Variants in GSAP observed in about 807,000 individuals in gnomAD.
GSAP encodes gamma-secretase-activating protein.
GSAP carries 118 observed loss-of-function variants against 131.7 expected under a neutral mutation model. That is an observed-to-expected ratio of 0.90 (90% CI 0.77 to 1.04). GSAP has a LOEUF of 1.04. Ranked by LOEUF, GSAP falls within the 50% of genes least tolerant of loss-of-function variation. The pLI is 0.00. For synonymous variants in GSAP, 381 were observed against 363.4 expected, an observed-to-expected ratio of 1.05 and a Z score of -0.55; for missense variants, 1,019 against 1,013.2, an observed-to-expected ratio of 1.01 and a Z score of -0.08.
upstream of GSAP, chr7:77,416,467 G>A (rs1804493143): frequency 2.2e-6 from 1 of 445,142 alleles, no homozygotes. Flanking sequence ...GCAGCGCCCT[G>A]GCCTGAGAAG....
chr7:77,318,372 T>A (rs1469307727), intron 26 of GSAP, among the ~76,000 whole-genome samples: 1 of 152,228 alleles, frequency 6.6e-6, no homozygotes, highest in Non-Finnish European at 1.5e-5. Flanking sequence ...TGTACTAATT[T>A]GTGTGTACTT....
chr7:77,318,030 A>C lies in GSAP; in HGVS notation c.2089+2695T>G, dbSNP rs555941478. On this transcript the variant is annotated intron_variant, in intron 26 of 30. Transcript: ENST00000257626. ...CGTATCAGATGTGTCATAAATGCAGAGCAGCATATGCTGTAGGGATTCTTT... is the reference window on the plus strand; with the variant it reads ...CGTATCAGATGTGTCATAAATGCAGCGCAGCATATGCTGTAGGGATTCTTT... 4.6e-5 allele frequency among the ~76,000 whole-genome samples: 7 copies of C among 152,340 alleles called. No individual in the cohort carries two copies. The South Asian group carries it at 1.2e-3, about 27-fold the overall frequency.
At chr7:77,408,656 G>A (rs189795325) in intron 1 of GSAP, among the ~76,000 whole-genome samples, 100 of 120,654 alleles carry the variant, frequency 8.3e-4, no homozygotes, top group Middle Eastern at 6.7e-3. Flanking sequence ...AGCCGGGATT[G>A]AGCCATTGCA....
chr7:77,397,138 T>C, intron 4 of GSAP, 103 bp from the exon 5 acceptor site: 1 of 781,274 alleles, frequency 1.3e-6, no homozygotes, highest in Middle Eastern at 2.3e-4. Flanking sequence ...AAAGGATATG[T>C]CAACGGAAGA....
chr7:77,356,693 G>A (rs1250130836), intron 14 of GSAP, among the ~76,000 whole-genome samples: 1 of 152,124 alleles, frequency 6.6e-6, no homozygotes, highest in Non-Finnish European at 1.5e-5. Flanking sequence ...AGAATGGAAG[G>A]GTGGAAGTAG....
intron 6 of GSAP, 42 bp from the exon 7 acceptor site, chr7:77,382,685 G>T: frequency 9.4e-7 from 1 of 1,065,298 alleles, no homozygotes; most frequent in Non-Finnish European, 1.5e-6. Context: ...CAACTATCTT[G>T]CTTGAACAAG....
intron 18 of GSAP, among the ~76,000 whole-genome samples, chr7:77,350,078 G>A (rs1584419239): frequency 6.6e-6 from 1 of 151,902 alleles, no homozygotes; most frequent in African/African-American, 2.4e-5. Context: ...CAACACCATG[G>A]AATACTATGC....
chr7:77,398,843 T>G (rs949464408), intron 3 of GSAP, among the ~76,000 whole-genome samples: 3 of 152,210 alleles, frequency 2.0e-5, no homozygotes, highest in African/African-American at 7.2e-5. Context: ...AAAGGAAGCA[T>G]GTTTATAAAT....
chr7:77,353,496 C>T lies in GSAP; in HGVS notation c.1408+76G>A, dbSNP rs181986649. 3.2e-3 allele frequency: 2,749 copies of T among 855,226 alleles called. 5 individuals carry two copies. The highest frequency in any genetic ancestry group is 4.4e-3 in the Non-Finnish European group (2,241 of 510,718). 53.0% of individuals were successfully genotyped at this position (855,226 alleles called of 1,614,324 possible). A position where few individuals can be genotyped will look rare whatever the true frequency, so the allele number is the denominator to read the frequency against. On this transcript the variant is annotated intron_variant, in intron 17 of 30. Coordinates refer to ENST00000257626, the MANE Select transcript of GSAP (RefSeq NM_017439.4). ...TAGCATTTGGACAGGTTGAGGCATTCACTATCAATTTACTGCTTTCCCTCA... is the reference window on the plus strand; with the variant it reads ...TAGCATTTGGACAGGTTGAGGCATTTACTATCAATTTACTGCTTTCCCTCA...
chr7:77,394,588 G>A (rs1800069243), intron 5 of GSAP, among the ~76,000 whole-genome samples: 1 of 152,168 alleles, frequency 6.6e-6, no homozygotes, highest in African/African-American at 2.4e-5. Flanking sequence ...ACTCTAGCCA[G>A]CATTGGCATA....
At chr7:77,390,963 A>T (rs1799392003) in intron 5 of GSAP, among the ~76,000 whole-genome samples, 1 of 116,482 alleles carries the variant, frequency 8.6e-6, no homozygotes, top group African/African-American at 3.3e-5. Flanking sequence ...AAAAAAAAAA[A>T]AAAAAAAAAA....
chr7:77,327,776 C>T (rs1394084021), intron 22 of GSAP, among the ~76,000 whole-genome samples: 2 of 152,172 alleles, frequency 1.3e-5, no homozygotes, highest in African/African-American at 2.4e-5. Flanking sequence ...CAAGACTTAA[C>T]TCACCTGTCA....
chr7:77,348,543 A>T (rs553728977), intron 19 of GSAP, among the ~76,000 whole-genome samples: 6 of 152,364 alleles, frequency 3.9e-5, no homozygotes, highest in African/African-American at 1.4e-4. Flanking sequence ...TCAAATGGAA[A>T]TAAAAGGCGT....
At chr7:77,311,812 A>G (rs1374599050) in intron 30 of GSAP, 29 bp downstream of exon 30, 1 of 1,047,648 alleles carries the variant, frequency 9.5e-7, no homozygotes, top group Non-Finnish European at 1.5e-6. Flanking sequence ...GAAAAGTGGT[A>G]AGACCCTGAG....
intron 23 of GSAP, among the ~76,000 whole-genome samples, chr7:77,325,918 G>C (rs1042157697): frequency 4.6e-5 from 7 of 152,174 alleles, no homozygotes; most frequent in Admixed American, 1.3e-4. Flanking sequence ...CAAAGATGCA[G>C]CTCTTTCCTT....
At chr7:77,321,174 A>AG (rs927868118) in intron 25 of GSAP, among the ~76,000 whole-genome samples, 159 bp downstream of exon 25, 28 of 152,270 alleles carry the variant, frequency 1.8e-4, no homozygotes, top group Middle Eastern at 3.4e-3. Flanking sequence ...GTACATATGC[A>AG]GGGGGGCATA....
chr7:77,371,782 G>A (rs1416421538), intron 12 of GSAP, among the ~76,000 whole-genome samples: 1 of 152,176 alleles, frequency 6.6e-6, no homozygotes, highest in Admixed American at 6.5e-5. Flanking sequence ...TTGAAAATAT[G>A]TATCTAATCA....
rs536966393 is a variant in GSAP at position 77,328,451 on chromosome 7, C to T, written c.1765+155G>A. The T allele has an allele frequency of 1.6e-5, 22 of 1,372,032 alleles. No homozygotes were observed. The East Asian group carries it at 4.9e-4, about 31-fold the overall frequency. 85.0% of individuals were successfully genotyped at this position (1,372,032 alleles called of 1,614,324 possible). A position where few individuals can be genotyped will look rare whatever the true frequency, so the allele number is the denominator to read the frequency against. ...GTGCCTAGACAGACATGGGAAGAGC[C>T]GTGCGGCCACTCTAACAGCAAGATA... is the stretch of plus-strand genomic sequence containing the variant. On this transcript the variant is annotated intron_variant, in intron 22 of 30. Transcript: ENST00000257626.
At chr7:77,357,426 G>A (rs1248493036) in intron 14 of GSAP, among the ~76,000 whole-genome samples, 1 of 152,144 alleles carries the variant, frequency 6.6e-6, no homozygotes, top group African/African-American at 2.4e-5. Context: ...AGGCACAAAA[G>A]TCCTTATGAG....
Sources: gnomAD v4.1 joint callset for allele counts (sites outside exome capture counted in the v4.1 genomes callset) on GRCh38, gnomAD v4.1.1 for gene constraint, MANE v1.5 for transcripts, NCBI Gene and HGNC (gene_info 2026-07-23, HGNC 2026-07-21) for gene names.